SLC6A11: variants seen among roughly 807,000 people sequenced by gnomAD.
The protein encoded by SLC6A11 is solute carrier family 6 member 11.
A neutral mutation model predicts 74.8 loss-of-function variants in SLC6A11; 25 were observed. That is an observed-to-expected ratio of 0.33 (90% CI 0.24 to 0.47). SLC6A11 has a LOEUF of 0.47. Among genes scored for constraint, SLC6A11 ranks in the 20% least tolerant of loss-of-function variants. The probability of loss-of-function intolerance (pLI) is 1.00; values close to 1 mark genes in which losing one functional copy is unlikely to be tolerated. For synonymous variants in SLC6A11, 330 were observed against 330.2 expected (o/e 1.00, Z 0.01); for missense variants, 574 against 837.0 (o/e 0.69, Z 3.88).
intron 5 of SLC6A11, among the ~76,000 whole-genome samples, chr3:10,853,066 G>A (rs541059463): frequency 6.6e-6 from 1 of 152,204 alleles, no homozygotes; most frequent in Non-Finnish European, 1.5e-5. Flanking sequence ...CTTCTGTCAG[G>A]GTTAAAGCAT....
At chr3:10,829,172 G>A (rs1253760313) in intron 4 of SLC6A11, among the ~76,000 whole-genome samples, 2 of 152,130 alleles carry the variant, frequency 1.3e-5, no homozygotes, top group African/African-American at 2.4e-5. Context: ...TTTTGCAATT[G>A]GTTCTCCCAT....
intron 4 of SLC6A11, chr3:10,825,619 C>T (rs1397455712): frequency 6.6e-6 from 1 of 152,078 alleles, no homozygotes; most frequent in Admixed American, 6.5e-5. Context: ...ATATATTTCC[C>T]TACCCCAAAG....
intron 12 of SLC6A11, 145 bp from the exon 13 acceptor site, chr3:10,934,884 A>G (rs1333268664): frequency 4.3e-6 from 3 of 698,070 alleles, no homozygotes; most frequent in African/African-American, 1.8e-5. Flanking sequence ...TGGTCCTGGC[A>G]GGGCCTCACT....
chr3:10,840,464 T>C (rs1284123317), intron 4 of SLC6A11, among the ~76,000 whole-genome samples: 4 of 152,356 alleles, frequency 2.6e-5, no homozygotes, highest in Non-Finnish European at 5.9e-5. Flanking sequence ...TATTTCCTTA[T>C]CTGTCTTCTC....
chr3:10,834,559 G>A (rs574957145), intron 4 of SLC6A11, among the ~76,000 whole-genome samples: 7 of 151,646 alleles, frequency 4.6e-5, no homozygotes, highest in African/African-American at 1.2e-4. Context: ...AGAATAACTC[G>A]ACCAGGTTGT....
At chr3:10,925,905 C>T in intron 8 of SLC6A11, 99 bp from the exon 9 acceptor site, 1 of 713,372 alleles carries the variant, frequency 1.4e-6, no homozygotes, top group Non-Finnish European at 2.5e-6. Context: ...GGCACAGTGC[C>T]TGGCGCAGAG....
chr3:10,861,450 A>G (rs1694702322), intron 5 of SLC6A11, among the ~76,000 whole-genome samples: 2 of 152,254 alleles, frequency 1.3e-5, no homozygotes, highest in African/African-American at 4.8e-5. Flanking sequence ...CCAGGAAGTC[A>G]AGACTGCAGC....
intron 5 of SLC6A11, among the ~76,000 whole-genome samples, chr3:10,870,177 C>T (rs1402577106): frequency 6.6e-6 from 1 of 152,166 alleles, no homozygotes; most frequent in East Asian, 1.9e-4. Flanking sequence ...CTGGAAGCAC[C>T]TTCCCAACCT....
At chr3:10,934,313 A>C (rs528030418) in intron 12 of SLC6A11, 147 bp downstream of exon 12, 33 of 586,514 alleles carry the variant, frequency 5.6e-5, no homozygotes, top group Non-Finnish European at 9.8e-5. Context: ...ACAAAGCTGC[A>C]CCCATGGGCA....
chr3:10,855,369 C>T (rs1305833057), intron 5 of SLC6A11, among the ~76,000 whole-genome samples: 2 of 152,170 alleles, frequency 1.3e-5, no homozygotes, highest in Non-Finnish European at 2.9e-5. Context: ...TGTACAGACC[C>T]AGATTCTCCA....
rs113151997 is a variant in SLC6A11 at position 10,922,710 on chromosome 3, A to AT, written c.1121-3287dup. Among the ~76,000 whole-genome samples, 409 of 152,234 alleles carry AT rather than the reference A, an allele frequency of 2.7e-3. 1 individual carries two copies. Among genetic ancestry groups the AT allele is most frequent in the African/African-American group, 6.0e-3 (248 of 41,554 alleles). On this transcript the variant is annotated intron_variant, in intron 8 of 13. Transcript: ENST00000254488. Reference sequence around the variant, plus strand: ...TGTTTCACATACCACTCAAACAATGATTTTTTTGTGGTGGAACCCTAAATG... The same window carrying AT: ...TGTTTCACATACCACTCAAACAATGATTTTTTTTGTGGTGGAACCCTAAATG...
At chr3:10,832,651 T>C (rs1303973998) in intron 4 of SLC6A11, among the ~76,000 whole-genome samples, 2 of 152,216 alleles carry the variant, frequency 1.3e-5, no homozygotes, top group Admixed American at 6.5e-5. Flanking sequence ...TGTTCACAAT[T>C]GAGTCTCCTC....
intron 4 of SLC6A11, chr3:10,823,638 G>A: frequency 2.2e-6 from 1 of 453,734 alleles, no homozygotes; most frequent in Non-Finnish European, 4.0e-6. Context: ...TGGGTTATTA[G>A]GGCAGGAAGT....
At chr3:10,935,488 T>C (rs1294529435) in intron 13 of SLC6A11, 2 of 355,314 alleles carry the variant, frequency 5.6e-6, no homozygotes, top group Non-Finnish European at 1.0e-5. Flanking sequence ...AGTGAGTTCA[T>C]ATAGGAAAAG....
chr3:10,820,739 C>A (rs577447199), intron 3 of SLC6A11, among the ~76,000 whole-genome samples: 16 of 152,304 alleles, frequency 1.1e-4, no homozygotes, highest in African/African-American at 3.8e-4. Context: ...CATCGCTAAT[C>A]AATTGTAGCA....
intron 5 of SLC6A11, among the ~76,000 whole-genome samples, chr3:10,852,303 C>T (rs1450938420): frequency 2.6e-5 from 4 of 152,206 alleles, no homozygotes; most frequent in African/African-American, 9.6e-5. Flanking sequence ...GCCCTGAACC[C>T]AAGTACACCG....
At chr3:10,840,957 A>G (rs1160890138) in intron 4 of SLC6A11, among the ~76,000 whole-genome samples, 2 of 152,164 alleles carry the variant, frequency 1.3e-5, no homozygotes, top group African/African-American at 2.4e-5. Flanking sequence ...GCTGAGACTC[A>G]GAGAGGTGAT....
intron 7 of SLC6A11, 57 bp downstream of exon 7, chr3:10,912,250 C>A: frequency 1.7e-6 from 2 of 1,170,284 alleles, no homozygotes; most frequent in Non-Finnish European, 2.6e-6. Context: ...GCCCTCTAAC[C>A]TGCCAGGCTA....
intron 4 of SLC6A11, among the ~76,000 whole-genome samples, chr3:10,837,268 G>A (rs1228441089): frequency 6.6e-6 from 1 of 152,206 alleles, no homozygotes; most frequent in Non-Finnish European, 1.5e-5. Flanking sequence ...GGGGACTGAT[G>A]GAGACTGGTG....
Sources: allele counts gnomAD v4.1 joint callset (sites outside exome capture counted in the v4.1 genomes callset), GRCh38; gene constraint gnomAD v4.1.1; transcripts MANE v1.5; gene names NCBI Gene and HGNC (gene_info 2026-07-23, HGNC 2026-07-21).